Variants in PDSS2 observed in about 807,000 individuals in gnomAD.
The protein encoded by PDSS2 is decaprenyl diphosphate synthase subunit 2.
A neutral mutation model predicts 44.5 loss-of-function variants in PDSS2; 31 were observed. That is an observed-to-expected ratio of 0.70 (90% CI 0.52 to 0.94). The LOEUF (loss-of-function observed/expected upper bound fraction) is 0.94, where lower values mean the gene tolerates loss of function less well. Ranked by LOEUF, PDSS2 falls within the 40% of genes least tolerant of loss-of-function variation. The pLI is 0.00. For synonymous variants in PDSS2, 157 were observed against 180.3 expected (o/e 0.87, Z 1.03); for missense variants, 452 against 482.2 (o/e 0.94, Z 0.59).
chr6:107,323,546 C>A (rs990191608), intron 2 of PDSS2, among the ~76,000 whole-genome samples: 6 of 152,180 alleles, frequency 3.9e-5, no homozygotes, highest in Non-Finnish European at 5.9e-5. Context: ...AGAATTGAGA[C>A]AAGAACCCAG....
At position 107,273,301 on chromosome 6, in the gene PDSS2, A is replaced by G. The variant is rs376568077; in HGVS notation, c.630+728T>C. Among the ~76,000 whole-genome samples, 6 of 152,172 alleles carry G rather than the reference A, an allele frequency of 3.9e-5. No homozygotes were observed. In the East Asian group the frequency reaches 5.8e-4, roughly 15 times the overall value. On this transcript the variant is annotated intron_variant, in intron 3 of 7. Coordinates refer to ENST00000369037, the MANE Select transcript of PDSS2 (RefSeq NM_020381.4). ...ACCTGGCCTTTAACCTGGGTGATACAGTGAGACCATGTCTCTATAACAAAA... is the reference window on the plus strand; with the variant it reads ...ACCTGGCCTTTAACCTGGGTGATACGGTGAGACCATGTCTCTATAACAAAA...
intron 1 of PDSS2, among the ~76,000 whole-genome samples, chr6:107,371,124 G>A (rs570636981): frequency 1.3e-5 from 2 of 151,774 alleles, no homozygotes; most frequent in Non-Finnish European, 2.9e-5. Context: ...AGGTTGGAGT[G>A]AGCCAAGATC....
intron 1 of PDSS2, among the ~76,000 whole-genome samples, chr6:107,408,048 G>A (rs1486264250): frequency 6.6e-6 from 1 of 150,844 alleles, no homozygotes; most frequent in African/African-American, 2.4e-5. Context: ...AATTTTTTGA[G>A]ACAGAGTCTC....
intron 4 of PDSS2, among the ~76,000 whole-genome samples, chr6:107,221,665 G>A (rs1002901128): frequency 6.6e-6 from 1 of 152,150 alleles, no homozygotes; most frequent in African/African-American, 2.4e-5. Flanking sequence ...TGGTACTGGT[G>A]GTTTTGCTCA....
chr6:107,275,689 G>T (rs1775756405), intron 2 of PDSS2, among the ~76,000 whole-genome samples: 1 of 152,162 alleles, frequency 6.6e-6, no homozygotes, highest in Admixed American at 6.5e-5. Flanking sequence ...TACAGAAATG[G>T]TATATCTATA....
intron 4 of PDSS2, among the ~76,000 whole-genome samples, chr6:107,244,832 A>C (rs1161853292): frequency 1.3e-5 from 2 of 152,220 alleles, no homozygotes; most frequent in African/African-American, 2.4e-5. Flanking sequence ...AAGAAGTTAG[A>C]ATAATGAAAC....
intron 6 of PDSS2, among the ~76,000 whole-genome samples, chr6:107,202,718 T>A (rs1293698863): frequency 6.6e-6 from 1 of 152,102 alleles, no homozygotes; most frequent in Non-Finnish European, 1.5e-5. Flanking sequence ...TTTTACCATC[T>A]CTTTCAACTG....
intron 1 of PDSS2, among the ~76,000 whole-genome samples, chr6:107,341,254 T>G (rs1174999691): frequency 6.6e-6 from 1 of 152,008 alleles, no homozygotes; most frequent in East Asian, 1.9e-4. Flanking sequence ...ACTGGAGGGA[T>G]GAAGGAGACA....
intron 1 of PDSS2, among the ~76,000 whole-genome samples, chr6:107,445,558 A>G (rs1015931835): frequency 5.3e-5 from 8 of 152,198 alleles, no homozygotes; most frequent in African/African-American, 2.4e-5. Flanking sequence ...AAAGACTATA[A>G]ATAGCCTCAC....
At chr6:107,248,516 TAA>T (rs34881663) in intron 3 of PDSS2, among the ~76,000 whole-genome samples, 7,272 of 122,194 alleles carry the variant, frequency 0.06, 421 homozygotes, top group East Asian at 0.22. Flanking sequence ...AGGGAACTGT[TAA>T]AAAAAAAAAA....
At position 107,305,490 on chromosome 6, in the gene PDSS2, A is replaced by G. The variant is rs191043058; in HGVS notation, c.431+28708T>C. ...ATTTTGAATCCTGGCTTCATTTTCT[A>G]TCACATGTAGAATCTTACAAGTTAT... On this transcript the variant is annotated intron_variant, in intron 2 of 7. Coordinates refer to ENST00000369037, the MANE Select transcript of PDSS2 (RefSeq NM_020381.4). 1.3e-3 allele frequency among the ~76,000 whole-genome samples: 192 copies of G among 152,316 alleles called. 2 individuals are homozygous for G. The highest frequency in any genetic ancestry group is 0.01 in the East Asian group (52 of 5,180).
In PDSS2 at chr6:107,391,512, C is replaced by T. The variant is rs141293893; in HGVS notation, c.297-57180G>A. On this transcript the variant is annotated intron_variant, in intron 1 of 7. Transcript: ENST00000369037. ...GGATGGGGGGATTACAAAGCAGGTA[C>T]GGAAATCATTTGAAAGCAAAGATTT... Among the ~76,000 whole-genome samples, 273 of 152,044 alleles carry T rather than the reference C, an allele frequency of 1.8e-3. 2 individuals carry two copies. The highest frequency in any genetic ancestry group is 6.1e-3 in the African/African-American group (254 of 41,516).
intron 4 of PDSS2, among the ~76,000 whole-genome samples, chr6:107,236,824 T>C (rs900241344): frequency 7.9e-5 from 12 of 152,192 alleles, no homozygotes; most frequent in African/African-American, 2.9e-4. Flanking sequence ...CACATTACCC[T>C]CCTGTTATTT....
At chr6:107,400,694 A>G (rs1780080019) in intron 1 of PDSS2, among the ~76,000 whole-genome samples, 1 of 152,136 alleles carries the variant, frequency 6.6e-6, no homozygotes, top group Admixed American at 6.5e-5. Flanking sequence ...CTGGCTCTCT[A>G]GCATGGCAGT....
At chr6:107,403,202 A>T (rs1244313797) in intron 1 of PDSS2, among the ~76,000 whole-genome samples, 1 of 152,210 alleles carries the variant, frequency 6.6e-6, no homozygotes, top group African/African-American at 2.4e-5. Context: ...TACAGGCCCC[A>T]TGCAAGTCCG....
At chr6:107,308,857 T>C (rs1582922375) in intron 2 of PDSS2, among the ~76,000 whole-genome samples, 1 of 152,106 alleles carries the variant, frequency 6.6e-6, no homozygotes, top group Admixed American at 6.6e-5. Flanking sequence ...ACAGCTGCCA[T>C]GGAGTGGTAT....
rs142490480 is a variant in PDSS2, at chr6:107,246,513, C to T, written c.631-894G>A. ...GTATCAGATTTCCACTCTTTGCTTC[C>T]GAAAATTCAGCTCCATTCTGATTGA... On this transcript the variant is annotated intron_variant, in intron 3 of 7. Coordinates refer to ENST00000369037, the MANE Select transcript of PDSS2 (RefSeq NM_020381.4). 1.3e-3 allele frequency among the ~76,000 whole-genome samples: 191 copies of T among 152,212 alleles called. 4 individuals carry two copies. The South Asian group carries it at 0.028, about 22-fold the overall frequency.
intron 4 of PDSS2, among the ~76,000 whole-genome samples, chr6:107,239,287 A>G (rs1774335543): frequency 6.6e-6 from 1 of 152,188 alleles, no homozygotes; most frequent in Non-Finnish European, 1.5e-5. Flanking sequence ...AAAAAAAACC[A>G]AAAACCAAAC....
intron 4 of PDSS2, among the ~76,000 whole-genome samples, chr6:107,241,722 C>A (rs895278196): frequency 6.6e-6 from 1 of 152,180 alleles, no homozygotes; most frequent in Non-Finnish European, 1.5e-5. Context: ...TGCTATGCAT[C>A]TACCTTAGTC....
Sources: allele counts gnomAD v4.1 joint callset (sites outside exome capture counted in the v4.1 genomes callset), GRCh38; gene constraint gnomAD v4.1.1; transcripts MANE v1.5; gene names NCBI Gene and HGNC (gene_info 2026-07-23, HGNC 2026-07-21).